The following EML5 variants were observed in gnomAD, a reference collection of about 807,000 sequenced individuals.
EML5 encodes EMAP like 5, also known as echinoderm microtubule-associated protein-like 5.
In EML5, 120 loss-of-function variants were observed where a neutral mutation model predicts 250.0. The ratio of observed to expected loss-of-function variants is 0.48; its 90% CI spans 0.41 to 0.56. The LOEUF (loss-of-function observed/expected upper bound fraction) is 0.56, where lower values mean the gene tolerates loss of function less well. Ranked by LOEUF, EML5 falls within the 20% of genes least tolerant of loss-of-function variation. EML5 has a pLI of 0.00. For missense variants in EML5, 2,006 were observed against 2,437.6 expected (o/e 0.82, Z 3.73); for synonymous variants, 771 against 806.5 (o/e 0.96, Z 0.75).
intron 1 of EML5, among the ~76,000 whole-genome samples, chr14:88,761,182 C>T (rs1484154501): frequency 6.6e-6 from 1 of 152,106 alleles, no homozygotes; most frequent in East Asian, 1.9e-4. Flanking sequence ...CTGGCTTGAA[C>T]TTCTAGCAGG....
At chr14:88,633,628 T>G (rs1379657948) in intron 33 of EML5, among the ~76,000 whole-genome samples, 1 of 128,354 alleles carries the variant, frequency 7.8e-6, no homozygotes, top group African/African-American at 2.5e-5. Context: ...CAAAAAGCAG[T>G]GCAAACAGAT....
chr14:88,717,291 C>T (rs34835895), intron 8 of EML5, among the ~76,000 whole-genome samples: 36 of 152,092 alleles, frequency 2.4e-4, no homozygotes, highest in Non-Finnish European at 4.3e-4. Context: ...CAGCTTGTGA[C>T]GGCCACTGTA....
intron 7 of EML5, among the ~76,000 whole-genome samples, chr14:88,732,157 T>C (rs1429489207): frequency 1.3e-5 from 2 of 152,224 alleles, no homozygotes; most frequent in Non-Finnish European, 2.9e-5. Flanking sequence ...ATGTCCTGAA[T>C]GGTATTGCCT....
chr14:88,777,190 G>GC (rs2094455136), intron 1 of EML5, among the ~76,000 whole-genome samples: 1 of 152,056 alleles, frequency 6.6e-6, no homozygotes, highest in South Asian at 2.1e-4. Flanking sequence ...CCTAAAAGAA[G>GC]CAAGAGAAAA....
chr14:88,657,458 T>C lies in EML5; in HGVS notation c.3922A>G (p.Ile1308Val), dbSNP rs371183665. The C allele has an allele frequency of 1.9e-6, 3 of 1,606,370 alleles. No homozygotes were observed. Among genetic ancestry groups the C allele is most frequent in the African/African-American group, 2.7e-5 (2 of 74,822 alleles). The change falls in exon 27 of 44, where the codon ATC becomes GTC. Residue 1308 changes from isoleucine (I) to valine (V), a missense_variant. Ile to Val is a conservative substitution (Grantham distance 29). Coordinates refer to ENST00000554922, the MANE Select transcript of EML5 (RefSeq NM_183387.3). ...VTRENEISYTIRALSTNIRPM... is the reference protein window; with the variant it reads ...VTRENEISYTVRALSTNIRPM... ...CGAATATTTGTTGATAAGGCTCTGA[T>C]GGTGTAACTGATTTCATTCTCCCTT... is the stretch of plus-strand genomic sequence containing the variant.
intron 1 of EML5, among the ~76,000 whole-genome samples, chr14:88,757,259 C>T (rs915650715): frequency 6.6e-6 from 1 of 152,098 alleles, no homozygotes; most frequent in Non-Finnish European, 1.5e-5. Flanking sequence ...TACTGGGACA[C>T]CTGAATATAT....
At chr14:88,773,342 G>A (rs2094413930) in intron 1 of EML5, among the ~76,000 whole-genome samples, 1 of 152,190 alleles carries the variant, frequency 6.6e-6, no homozygotes, top group Non-Finnish European at 1.5e-5. Flanking sequence ...TCCACCAATA[G>A]AAAACAAAAA....
chr14:88,789,445 A>G (rs932073782), intron 1 of EML5, among the ~76,000 whole-genome samples: 2 of 152,262 alleles, frequency 1.3e-5, no homozygotes, highest in Non-Finnish European at 2.9e-5. Flanking sequence ...AACTACAAGC[A>G]ACACTGAGAA....
At chr14:88,775,519 G>A (rs2094438737) in intron 1 of EML5, among the ~76,000 whole-genome samples, 1 of 152,230 alleles carries the variant, frequency 6.6e-6, no homozygotes, top group Non-Finnish European at 1.5e-5. Context: ...TGGCTGTAGG[G>A]AGAGGCTCCT....
chr14:88,674,057 T>G (rs1011096970), intron 21 of EML5, among the ~76,000 whole-genome samples: 2 of 152,170 alleles, frequency 1.3e-5, no homozygotes, highest in African/African-American at 4.8e-5. Flanking sequence ...TCACTTAATA[T>G]CAGGAGTTCA....
intron 2 of EML5, among the ~76,000 whole-genome samples, chr14:88,750,033 G>A (rs778301510): frequency 1.3e-5 from 2 of 152,140 alleles, no homozygotes; most frequent in African/African-American, 2.4e-5. Context: ...TTCGTGCATT[G>A]TCTATGACTG....
At chr14:88,678,972 T>C (rs1258666965) in intron 21 of EML5, among the ~76,000 whole-genome samples, 4 of 152,018 alleles carry the variant, frequency 2.6e-5, no homozygotes, top group South Asian at 2.1e-4. Context: ...TTCTTGGGAA[T>C]AATCCTTCCT....
chr14:88,700,250 ATTTAAT>A (rs1362146587), intron 14 of EML5, among the ~76,000 whole-genome samples: 1 of 152,172 alleles, frequency 6.6e-6, no homozygotes, highest in Non-Finnish European at 1.5e-5. Flanking sequence ...TATTCTTTGT[ATTTAAT>A]TCTCCAAAAG....
chr14:88,614,071 C>T lies in EML5; in HGVS notation c.*1747G>A, dbSNP rs1259052779. ...TTACATGCTTAAGGTTACAGAGTTT[C>T]TACCTGCACTGTAATGGAAATATAA... On this transcript the variant is annotated 3_prime_UTR_variant, in exon 44 of 44. Coordinates refer to ENST00000554922, the MANE Select transcript of EML5 (RefSeq NM_183387.3). 6.6e-6 allele frequency: 1 copy of T among 152,182 alleles called. No individual in the cohort carries two copies. Among genetic ancestry groups the T allele is most frequent in the Non-Finnish European group, 1.5e-5 (1 of 68,032 alleles). The allele number at this position is 152,182 out of a possible 1,614,324, so 9.4% of individuals were successfully genotyped here.
At chr14:88,663,726 G>A (rs2092211038) in intron 23 of EML5, among the ~76,000 whole-genome samples, 1 of 150,718 alleles carries the variant, frequency 6.6e-6, no homozygotes, top group South Asian at 2.1e-4. Context: ...TTAGGAATGG[G>A]GTCTCACTGT....
intron 21 of EML5, among the ~76,000 whole-genome samples, chr14:88,666,612 T>C (rs1217816445): frequency 1.3e-5 from 2 of 152,124 alleles, no homozygotes; most frequent in African/African-American, 2.4e-5. Context: ...CAGAACCATA[T>C]ATGAAATGAT....
intron 27 of EML5, 34 bp from the exon 28 acceptor site, chr14:88,649,960 A>C (rs747390851): frequency 6.9e-7 from 1 of 1,444,548 alleles, no homozygotes; most frequent in African/African-American, 1.4e-5. Context: ...AAAGTAGGAA[A>C]ACATATAAAA....
intron 1 of EML5, among the ~76,000 whole-genome samples, chr14:88,767,972 T>C (rs2094342134): frequency 6.6e-6 from 1 of 152,194 alleles, no homozygotes; most frequent in Admixed American, 6.5e-5. Context: ...TTATTCCTCC[T>C]TAGCAACTTC....
At chr14:88,680,892 G>A (rs894781798) in intron 21 of EML5, among the ~76,000 whole-genome samples, 4 of 151,946 alleles carry the variant, frequency 2.6e-5, no homozygotes, top group Non-Finnish European at 5.9e-5. Flanking sequence ...TGGACCACTA[G>A]GAGGGAGTCA....
Sources: gnomAD v4.1 joint callset for allele counts (sites outside exome capture counted in the v4.1 genomes callset) on GRCh38, gnomAD v4.1.1 for gene constraint, MANE v1.5 for transcripts, NCBI Gene and HGNC (gene_info 2026-07-23, HGNC 2026-07-21) for gene names.